SPIDR: variants seen among roughly 807,000 people sequenced by gnomAD.
The protein encoded by SPIDR is DNA repair-scaffolding protein.
In SPIDR, 93 loss-of-function variants were observed where a neutral mutation model predicts 104.6. That is an observed-to-expected ratio of 0.89 (90% confidence interval 0.75 to 1.06). SPIDR has a LOEUF of 1.06. SPIDR is among the 50% of genes least tolerant of loss of function. The probability of loss-of-function intolerance (pLI) is 0.00; values close to 1 mark genes in which losing one functional copy is unlikely to be tolerated. For synonymous variants in SPIDR, 431 were observed against 416.9 expected, an observed-to-expected ratio of 1.03 and a Z score of -0.41; for missense variants, 1,154 against 1,111.2, an observed-to-expected ratio of 1.04 and a Z score of -0.55.
intron 5 of SPIDR, among the ~76,000 whole-genome samples, chr8:47,342,459 C>T (rs2050965055): frequency 6.7e-6 from 1 of 150,274 alleles, no homozygotes; most frequent in Non-Finnish European, 1.5e-5. Context: ...ACCTCAGGCT[C>T]CCGAGTAGCT....
chr8:47,453,468 A>G (rs2072291665), intron 8 of SPIDR, among the ~76,000 whole-genome samples: 3 of 152,224 alleles, frequency 2.0e-5, no homozygotes, highest in Admixed American at 1.3e-4. Flanking sequence ...TTCAAACTAT[A>G]CTACAAGGCT....
rs782415775 is a variant in SPIDR, at chr8:47,407,862, G to A, written c.778G>A (p.Gly260Ser). 17 of 1,579,212 alleles carry A rather than the reference G, an allele frequency of 1.1e-5. No individual in the cohort carries two copies. The highest frequency in any genetic ancestry group is 1.5e-5 in the Non-Finnish European group (17 of 1,154,210). The change falls in exon 7 of 20, where the codon GGT (glycine) becomes AGT (serine). Residue 260 changes from glycine (G) to serine (S), a missense_variant and splice_region_variant. Gly to Ser is a moderately conservative substitution (Grantham distance 56, BLOSUM62 0). Coordinates refer to ENST00000297423, the MANE Select transcript of SPIDR (RefSeq NM_001080394.4). Reference protein sequence around the residue: ...ENSAKKKLLRGGLAERLNGLQ... With the variant: ...ENSAKKKLLRSGLAERLNGLQ... ...AATACATTATAATTCATTAAACAGA[G>A]GTGGACTAGCAGAAAGACTAAATGG...
intron 8 of SPIDR, among the ~76,000 whole-genome samples, chr8:47,443,486 G>T (rs1032910360): frequency 1.3e-5 from 2 of 149,226 alleles, no homozygotes; most frequent in African/African-American, 5.0e-5. Flanking sequence ...TGAAAGAATC[G>T]CTTGAGCCCA....
intron 5 of SPIDR, among the ~76,000 whole-genome samples, chr8:47,378,058 G>T (rs892998216): frequency 1.3e-5 from 2 of 152,158 alleles, no homozygotes; most frequent in Admixed American, 1.3e-4. Flanking sequence ...GATAAACATT[G>T]TTTTGTTTGA....
intron 11 of SPIDR, among the ~76,000 whole-genome samples, chr8:47,680,788 T>C (rs572736690): frequency 2.0e-5 from 3 of 152,334 alleles, no homozygotes; most frequent in African/African-American, 7.2e-5. Flanking sequence ...CCGAAGTTTC[T>C]GAAAGGAGAA....
At chr8:47,677,978 C>T (rs1379950344) in intron 11 of SPIDR, among the ~76,000 whole-genome samples, 1 of 149,826 alleles carries the variant, frequency 6.7e-6, no homozygotes, top group Non-Finnish European at 1.5e-5. Flanking sequence ...CCAAGACGGG[C>T]AGATCGCTTG....
intron 5 of SPIDR, among the ~76,000 whole-genome samples, chr8:47,383,752 T>C (rs1289797011): frequency 6.6e-6 from 1 of 152,232 alleles, no homozygotes; most frequent in East Asian, 1.9e-4. Flanking sequence ...CACACTTGTA[T>C]TTAATTTATG....
At chr8:47,511,067 G>T in intron 8 of SPIDR, 1 of 1,012,198 alleles carries the variant, frequency 9.9e-7, no homozygotes, top group Non-Finnish European at 1.6e-6. Context: ...GCATTGAGCA[G>T]GTTGGCTTCC....
At chr8:47,451,514 C>T (rs1483608225) in intron 8 of SPIDR, among the ~76,000 whole-genome samples, 1 of 151,900 alleles carries the variant, frequency 6.6e-6, no homozygotes, top group Non-Finnish European at 1.5e-5. Flanking sequence ...CTGGGAGGCG[C>T]AGGTTGCAGT....
chr8:47,723,442 T>C (rs78516643), intron 16 of SPIDR, among the ~76,000 whole-genome samples: 1 of 150,294 alleles, frequency 6.7e-6, no homozygotes, highest in African/African-American at 2.4e-5. Flanking sequence ...TTTTTTTTTT[T>C]TTCTGGAGAA....
At chr8:47,471,331 A>T (rs1438711304) in intron 8 of SPIDR, among the ~76,000 whole-genome samples, 1 of 151,984 alleles carries the variant, frequency 6.6e-6, no homozygotes, top group Non-Finnish European at 1.5e-5. Flanking sequence ...ATGTCAAAAA[A>T]AAAAAAAAAA....
intron 5 of SPIDR, among the ~76,000 whole-genome samples, chr8:47,332,148 C>A (rs1174874260): frequency 1.8e-4 from 11 of 59,702 alleles, no homozygotes; most frequent in Non-Finnish European, 3.3e-4. Context: ...ATCCCTCCCC[C>A]CTCCCCCGAC....
chr8:47,396,624 A>G lies in SPIDR; in HGVS notation c.774A>G (p.Leu258=). 2 of 1,611,432 alleles carry G rather than the reference A, an allele frequency of 1.2e-6. No individual in the cohort carries two copies. The highest frequency in any genetic ancestry group is 1.7e-6 in the Non-Finnish European group (2 of 1,179,162). The change falls in exon 6 of 20, where the codon TTA becomes TTG. Residue 258 remains leucine (L), a splice_region_variant and synonymous_variant. Transcript: ENST00000297423. ...AAAATTCAGCAAAGAAGAAGCTTTT[A>G]AGGTTAAATTATACCCTTTTAAATA... ...TPENSAKKKL[L]RGGLAERLNG...
intron 5 of SPIDR, among the ~76,000 whole-genome samples, chr8:47,352,801 C>T (rs984231253): frequency 9.3e-4 from 141 of 152,132 alleles, no homozygotes; most frequent in African/African-American, 3.3e-3. Context: ...TGGTGGCTCA[C>T]GCCTGTAATC....
intron 5 of SPIDR, among the ~76,000 whole-genome samples, chr8:47,349,203 A>G (rs1554620551): frequency 1.3e-5 from 2 of 152,030 alleles, no homozygotes; most frequent in African/African-American, 4.8e-5. Flanking sequence ...TTCTAACAGG[A>G]CCCTCAGCTG....
Position 47,279,987 on chromosome 8 carries a change from A to G in SPIDR, c.159A>G (p.Gly53=). 1 of 1,614,110 alleles carries G rather than the reference A, an allele frequency of 6.2e-7. No individual in the cohort carries two copies. The highest frequency in any genetic ancestry group is 1.3e-5 in the African/African-American group (1 of 75,044). Reference sequence around the variant, plus strand: ...TCTCTGAAGCATGGCTCAGGTGTGGAGAAGGGTTTCAGAACACTTCTGGGA... The same window carrying G: ...TCTCTGAAGCATGGCTCAGGTGTGGGGAAGGGTTTCAGAACACTTCTGGGA... The part of the protein sequence containing the change: ...ASLSEAWLRC[G]EGFQNTSGNP... The change falls in exon 2 of 20, where the codon GGA becomes GGG. Residue 53 remains glycine (G), a synonymous_variant. Coordinates refer to ENST00000297423, the MANE Select transcript of SPIDR (RefSeq NM_001080394.4).
At chr8:47,269,451 T>C (rs2034807643) in intron 1 of SPIDR, among the ~76,000 whole-genome samples, 1 of 151,530 alleles carries the variant, frequency 6.6e-6, no homozygotes, top group Non-Finnish European at 1.5e-5. Flanking sequence ...AGAAACGGGC[T>C]TTCACCATGT....
intron 8 of SPIDR, among the ~76,000 whole-genome samples, chr8:47,505,117 TCTCC>T (rs2081266435): frequency 6.6e-6 from 1 of 152,114 alleles, no homozygotes; most frequent in Admixed American, 6.5e-5. Context: ...CATTCTCAGA[TCTCC>T]ATCTGAGTGC....
At chr8:47,309,632 CTCTT>C (rs1322702976) in intron 5 of SPIDR, among the ~76,000 whole-genome samples, 2 of 152,308 alleles carry the variant, frequency 1.3e-5, no homozygotes, top group East Asian at 1.9e-4. Flanking sequence ...CTTCATTCCC[CTCTT>C]TCTTCTCCAT....
Sources: gnomAD v4.1 joint callset for allele counts (sites outside exome capture counted in the v4.1 genomes callset) on GRCh38, gnomAD v4.1.1 for gene constraint, MANE v1.5 for transcripts, NCBI Gene and HGNC (gene_info 2026-07-23, HGNC 2026-07-21) for gene names.